The following ENTREP2 variants were observed in gnomAD, a reference collection of about 807,000 sequenced individuals.
The protein encoded by ENTREP2 is protein ENTREP2.
the ENTREP2 span, among the ~76,000 whole-genome samples, chr15:29,401,790 T>A: frequency 1.1e-4 from 16 of 152,316 alleles, no homozygotes; most frequent in Non-Finnish European, 2.2e-4. Context: ...AACATGAATA[T>A]GTGCATTATA....
At chr15:29,431,061 C>A in the ENTREP2 span, among the ~76,000 whole-genome samples, 1 of 152,142 alleles carries the variant, frequency 6.6e-6, no homozygotes, top group Non-Finnish European at 1.5e-5. Flanking sequence ...AGGCACACTG[C>A]GGGCCCAAAC....
chr15:29,325,638 C>T, the ENTREP2 span, among the ~76,000 whole-genome samples: 1 of 152,032 alleles, frequency 6.6e-6, no homozygotes, highest in East Asian at 1.9e-4. Context: ...GCAGCAGGCC[C>T]AGGTGATTTC....
the ENTREP2 span, among the ~76,000 whole-genome samples, chr15:29,421,617 C>T: frequency 6.6e-6 from 1 of 152,176 alleles, no homozygotes; most frequent in African/African-American, 2.4e-5. Context: ...ACTTTAAAAA[C>T]ACATAGACAT....
At chr15:29,125,301 G>C in the ENTREP2 span, among the ~76,000 whole-genome samples, 15 of 152,300 alleles carry the variant, frequency 9.8e-5, no homozygotes, top group South Asian at 2.3e-3. Flanking sequence ...CCAGCAGAGG[G>C]GGGTGTTTCA....
chr15:29,208,998 G>A, the ENTREP2 span, among the ~76,000 whole-genome samples: 1 of 152,188 alleles, frequency 6.6e-6, no homozygotes, highest in African/African-American at 2.4e-5. Flanking sequence ...TTAGAAGTTA[G>A]GATAGCAGGT....
chr15:29,267,332 A>C, the ENTREP2 span: 1 of 152,262 alleles, frequency 6.6e-6, no homozygotes, highest in Non-Finnish European at 1.5e-5. Flanking sequence ...CTCTGCATTA[A>C]AAACAGCATC....
the ENTREP2 span, among the ~76,000 whole-genome samples, chr15:29,499,973 C>T: frequency 1.3e-5 from 2 of 152,068 alleles, no homozygotes; most frequent in Admixed American, 1.3e-4. Flanking sequence ...ATGAAATACA[C>T]TTTAAGATAA....
the ENTREP2 span, among the ~76,000 whole-genome samples, chr15:29,649,053 CATGT>C: frequency 1.6e-4 from 23 of 144,508 alleles, no homozygotes; most frequent in African/African-American, 5.4e-4. Context: ...AAAAGGGACA[CATGT>C]ACACACACAC....
the ENTREP2 span, among the ~76,000 whole-genome samples, chr15:29,404,548 G>A: frequency 6.6e-6 from 1 of 151,676 alleles, no homozygotes; most frequent in Non-Finnish European, 1.5e-5. Flanking sequence ...TGCCTTGGCC[G>A]CCCCCTTGCT....
At chr15:29,647,040 T>C in the ENTREP2 span, among the ~76,000 whole-genome samples, 23 of 152,342 alleles carry the variant, frequency 1.5e-4, no homozygotes, top group African/African-American at 4.8e-4. Flanking sequence ...TTTATATAAA[T>C]GCAGCTGTCA....
At chr15:29,563,334 T>C in the ENTREP2 span, among the ~76,000 whole-genome samples, 1 of 152,198 alleles carries the variant, frequency 6.6e-6, no homozygotes, top group Non-Finnish European at 1.5e-5. Flanking sequence ...TAATTCACTA[T>C]ATCACCTTCT....
At chr15:29,629,133 T>A in the ENTREP2 span, among the ~76,000 whole-genome samples, 2 of 152,312 alleles carry the variant, frequency 1.3e-5, no homozygotes, top group East Asian at 3.9e-4. Flanking sequence ...GCCACTCCAG[T>A]TGGCATGGCA....
the ENTREP2 span, chr15:29,126,321 C>CG: frequency 6.6e-7 from 1 of 1,516,348 alleles, no homozygotes; most frequent in African/African-American, 1.4e-5. Context: ...GACACACGCC[C>CG]GGGACCTGGC....
At chr15:29,327,862 A>C in the ENTREP2 span, among the ~76,000 whole-genome samples, 1 of 152,226 alleles carries the variant, frequency 6.6e-6, no homozygotes, top group Admixed American at 6.5e-5. Context: ...TAGGAATGTA[A>C]AACAGCCACT....
chr15:29,367,510 T>G, the ENTREP2 span, among the ~76,000 whole-genome samples: 1 of 152,148 alleles, frequency 6.6e-6, no homozygotes, highest in Non-Finnish European at 1.5e-5. Flanking sequence ...AAACAATATA[T>G]TAATCTAAAC....
chr15:29,478,113 C>T, the ENTREP2 span, among the ~76,000 whole-genome samples: 1 of 147,564 alleles, frequency 6.8e-6, no homozygotes, highest in South Asian at 2.2e-4. Flanking sequence ...CAAGCTCCGC[C>T]TCCCGGGTTC....
the ENTREP2 span, among the ~76,000 whole-genome samples, chr15:29,644,251 A>G: frequency 6.6e-6 from 1 of 152,200 alleles, no homozygotes; most frequent in African/African-American, 2.4e-5. Flanking sequence ...TTACAGATAG[A>G]AAGTAGATTA....
At chr15:29,674,735 G>A in the ENTREP2 span, among the ~76,000 whole-genome samples, 1 of 149,784 alleles carries the variant, frequency 6.7e-6, no homozygotes, top group African/African-American at 2.5e-5. Context: ...GGGGTGTGGA[G>A]GAGGGAAGGA....
chr15:29,586,935 T>C, the ENTREP2 span, among the ~76,000 whole-genome samples: 1 of 152,140 alleles, frequency 6.6e-6, no homozygotes, highest in African/African-American at 2.4e-5. Flanking sequence ...CATGGGGAGA[T>C]ACTTAGCATA....
Sources: gnomAD v4.1 joint callset for allele counts (sites outside exome capture counted in the v4.1 genomes callset) on GRCh38, gnomAD v4.1.1 for gene constraint, MANE v1.5 for transcripts, NCBI Gene and HGNC (gene_info 2026-07-23, HGNC 2026-07-21) for gene names.